Variants in SERPIND1 observed in about 807,000 individuals in gnomAD.
The protein encoded by SERPIND1 is heparin cofactor 2.
SERPIND1 carries 34 observed loss-of-function variants against 35.0 expected under a neutral mutation model. The ratio of observed to expected loss-of-function variants is 0.97; its 90% CI spans 0.74 to 1.29. The LOEUF (loss-of-function observed/expected upper bound fraction) is 1.29, where lower values mean the gene tolerates loss of function less well. Among genes scored for constraint, SERPIND1 ranks in the 50% most tolerant of loss-of-function variants. The probability of loss-of-function intolerance (pLI) is 0.00; values close to 1 mark genes in which losing one functional copy is unlikely to be tolerated. For synonymous variants in SERPIND1, 236 were observed against 241.1 expected, an observed-to-expected ratio of 0.98 and a Z score of 0.19; for missense variants, 633 against 637.7, an observed-to-expected ratio of 0.99 and a Z score of 0.08.
rs963474060 is a variant in SERPIND1, at chr22:20,786,356, AG to A, written c.1308+214del. The stretch of plus-strand genomic sequence containing the variant: ...GGCACCTGGCAGACACTTACTGGGC[AG>A]GGGGGATCCCAAGAGCAGCCATGGG... On this transcript the variant is annotated intron_variant, in intron 4 of 4. Transcript: ENST00000215727. Among the ~76,000 whole-genome samples, 257 of 152,274 alleles carry A rather than the reference AG, an allele frequency of 1.7e-3. 2 individuals carry two copies. The highest frequency in any genetic ancestry group is 6.0e-3 in the African/African-American group (248 of 41,550).
chr22:20,778,547 A>C (rs770050474), intron 1 of SERPIND1, among the ~76,000 whole-genome samples: 20 of 152,124 alleles, frequency 1.3e-4, no homozygotes, highest in Admixed American at 7.2e-4. Context: ...ACAACAACAA[A>C]AAAACAACGA....
At chr22:20,783,167 TAA>T in intron 2 of SERPIND1, among the ~76,000 whole-genome samples, 1 of 152,196 alleles carries the variant, frequency 6.6e-6, no homozygotes, top group East Asian at 1.9e-4. Context: ...ATCTTAGAGC[TAA>T]CATAGACATG....
intron 1 of SERPIND1, 100 bp from the exon 2 acceptor site, chr22:20,779,197 T>C: frequency 3.1e-6 from 5 of 1,593,880 alleles, no homozygotes; most frequent in Non-Finnish European, 4.3e-6. Context: ...TGTGAGGGCC[T>C]CTTCCTGGGT....
chr22:20,779,513 C>T lies in SERPIND1; in HGVS notation c.201C>T (p.Asn67=), dbSNP rs772705090. 4.6e-5 allele frequency: 74 copies of T among 1,613,912 alleles called. No individual in the cohort carries two copies. Among genetic ancestry groups the T allele is most frequent in the African/African-American group, 9.3e-5 (7 of 74,936 alleles). ...ADFHKENTVT[N]DWIPEGEEDD... is the part of the protein sequence containing the mutation. ...TCCACAAGGAAAACACCGTCACCAA[C>T]GACTGGATTCCAGAGGGGGAGGAGG... Residue 67 remains asparagine (N), a synonymous_variant, in exon 2 of 5, where the codon AAC becomes AAT. Transcript: ENST00000215727.
intron 2 of SERPIND1, 52 bp from the exon 3 acceptor site, chr22:20,783,908 CAAGGGTGAGACG>C: frequency 6.2e-7 from 1 of 1,606,406 alleles, no homozygotes. Flanking sequence ...GATTCACTCT[CAAGGGTGAGACG>C]ATTTCCCTAA....
chr22:20,784,808 A>G (rs1445598651), intron 3 of SERPIND1, among the ~76,000 whole-genome samples: 1 of 152,192 alleles, frequency 6.6e-6, no homozygotes, highest in Non-Finnish European at 1.5e-5. Context: ...CATGGCAGAA[A>G]GAATGGAGAG....
At position 20,774,145 on chromosome 22, in the gene SERPIND1, G is replaced by A. The variant is rs966869644; in HGVS notation, c.-17G>A. 5 of 152,190 alleles carry A rather than the reference G, an allele frequency of 3.3e-5. No individual in the cohort carries two copies. Among genetic ancestry groups the A allele is most frequent in the Admixed American group, 1.3e-4 (2 of 15,270 alleles). The allele number at this position is 152,190 out of a possible 1,614,324, so 9.4% of individuals were successfully genotyped here. On this transcript the variant is annotated splice_region_variant and 5_prime_UTR_variant, in exon 1 of 5. Coordinates refer to ENST00000215727, the MANE Select transcript of SERPIND1 (RefSeq NM_000185.4). ...AAGCGCCACTTCTCAGAAACACAGA[G>A]GTAAGTTGGGTTTCTAATGTTTCTG...
chr22:20,780,597 G>A (rs2147486270), intron 2 of SERPIND1, among the ~76,000 whole-genome samples: 1 of 152,132 alleles, frequency 6.6e-6, no homozygotes, highest in African/African-American at 2.4e-5. Flanking sequence ...CCAACATGGT[G>A]AAAACCTGGC....
intron 2 of SERPIND1, among the ~76,000 whole-genome samples, chr22:20,780,660 C>T (rs1933706022): frequency 6.6e-6 from 1 of 151,652 alleles, no homozygotes; most frequent in African/African-American, 2.4e-5. Flanking sequence ...CCTGTACTCC[C>T]AGCTACTTGG....
Position 20,787,123 on chromosome 22 carries a change from CCAA to C in SERPIND1, c.*62_*64del, listed in dbSNP as rs1299584631. The C allele has an allele frequency of 1.9e-5, 28 of 1,451,700 alleles. No individual in the cohort carries two copies. Among genetic ancestry groups the C allele is most frequent in the Non-Finnish European group, 2.6e-5 (27 of 1,033,942 alleles). The allele number at this position is 1,451,700 out of a possible 1,614,324, so 89.9% of individuals were successfully genotyped here. A position where few individuals can be genotyped will look rare whatever the true frequency, so the allele number is the denominator to read the frequency against. ...GGGGCACCCTCATTTTGTTTCCATT[CCAA>C]CAACGAGAACAGAGATGTTCTGGCA... On this transcript the variant is annotated 3_prime_UTR_variant, in exon 5 of 5. Coordinates refer to ENST00000215727, the MANE Select transcript of SERPIND1 (RefSeq NM_000185.4).
intron 2 of SERPIND1, 151 bp from the exon 3 acceptor site, chr22:20,783,821 C>A: frequency 9.7e-7 from 1 of 1,036,156 alleles, no homozygotes; most frequent in Non-Finnish European, 1.5e-6. Flanking sequence ...AAATTTCTGC[C>A]CAAATCAGGC....
rs759361159 is a variant in SERPIND1, at chr22:20,779,413, C to G, written c.101C>G (p.Thr34Ser). ...GATCAGCTAGAGAAAGGAGGGGAAA[C>G]TGCTCAGTCTGCAGATCCCCAGTGG... ...PLDQLEKGGE[T>S]AQSADPQWEQ... is the part of the protein sequence containing the mutation. The change falls in exon 2 of 5, where the codon ACT becomes AGT. Residue 34 changes from threonine to serine, a missense_variant. By Grantham distance (58) the Thr-to-Ser change is moderately conservative. Coordinates refer to ENST00000215727, the MANE Select transcript of SERPIND1 (RefSeq NM_000185.4). 1 of 1,614,236 alleles carries G rather than the reference C, an allele frequency of 6.2e-7. No homozygotes were observed. The highest frequency in any genetic ancestry group is 1.1e-5 in the South Asian group (1 of 91,088).
Position 20,784,062 on chromosome 22 carries a change from A to C in SERPIND1, c.980A>C (p.Gln327Pro), listed in dbSNP as rs1057524779. 15 of 1,614,086 alleles carry C rather than the reference A, an allele frequency of 9.3e-6. No homozygotes were observed. Among genetic ancestry groups the C allele is most frequent in the African/African-American group, 1.3e-5 (1 of 74,918 alleles). Reference sequence around the variant, plus strand: ...GAGGTAGTTAAGGTTTCCATGATGCAGACCAAGGGGAACTTCCTCGCAGCA... The same window carrying C: ...GAGGTAGTTAAGGTTTCCATGATGCCGACCAAGGGGAACTTCCTCGCAGCA... ...EREVVKVSMM[Q>P]TKGNFLAAND... Residue 327 changes from glutamine to proline, a missense_variant, in exon 3 of 5, where the codon CAG (glutamine) becomes CCG (proline). By Grantham distance (76) the Gln-to-Pro change is moderately conservative. Transcript: ENST00000215727.
chr22:20,774,496 C>T (rs1933087184), intron 1 of SERPIND1, among the ~76,000 whole-genome samples: 2 of 152,206 alleles, frequency 1.3e-5, no homozygotes, highest in African/African-American at 4.8e-5. Flanking sequence ...GGTGCAGTGG[C>T]TCACGCCTGT....
In SERPIND1 at chr22:20,787,160, G is replaced by T; in HGVS notation, c.*94G>T. The stretch of plus-strand genomic sequence containing the variant: ...ACAGAGATGTTCTGGCATCATTTAC[G>T]TAGTTTACGCTACCAATCTGAATTC... On this transcript the variant is annotated 3_prime_UTR_variant, in exon 5 of 5. Transcript: ENST00000215727. 2 of 1,167,544 alleles carry T rather than the reference G, an allele frequency of 1.7e-6. No homozygotes were observed. The highest frequency in any genetic ancestry group is 2.5e-5 in the South Asian group (2 of 80,348). The allele number at this position is 1,167,544 out of a possible 1,614,324, so 72.3% of individuals were successfully genotyped here.
chr22:20,778,858 T>C (rs544732353), intron 1 of SERPIND1, among the ~76,000 whole-genome samples: 3 of 152,298 alleles, frequency 2.0e-5, no homozygotes, highest in East Asian at 3.9e-4. Context: ...TCTGGCAGCA[T>C]TATTTTGAGA....
chr22:20,775,097 G>A (rs1039443811), intron 1 of SERPIND1, among the ~76,000 whole-genome samples: 2 of 152,104 alleles, frequency 1.3e-5, no homozygotes, highest in Non-Finnish European at 2.9e-5. Flanking sequence ...TACACCAGGA[G>A]GGATGACGGT....
At chr22:20,779,101 TTA>T (rs1933534337) in intron 1 of SERPIND1, 194 bp from the exon 2 acceptor site, 1 of 1,298,360 alleles carries the variant, frequency 7.7e-7, no homozygotes, top group African/African-American at 1.5e-5. Context: ...TCATTGAGGT[TTA>T]TGAGTCCCAC....
chr22:20,781,679 G>C (rs970492783), intron 2 of SERPIND1, among the ~76,000 whole-genome samples: 3 of 152,228 alleles, frequency 2.0e-5, no homozygotes, highest in Admixed American at 6.5e-5. Flanking sequence ...TGGAATCAAA[G>C]GCTGAGTTCT....
Sources: gnomAD v4.1 joint callset for allele counts (sites outside exome capture counted in the v4.1 genomes callset) on GRCh38, gnomAD v4.1.1 for gene constraint, MANE v1.5 for transcripts, NCBI Gene and HGNC (gene_info 2026-07-23, HGNC 2026-07-21) for gene names.